The following KYAT3 variants were observed in gnomAD, a reference collection of about 807,000 sequenced individuals.
The protein encoded by KYAT3 is kynurenine aminotransferase 3, also known as kynurenine--oxoglutarate transaminase 3.
A neutral mutation model predicts 59.0 loss-of-function variants in KYAT3; 50 were observed. That is an observed-to-expected ratio of 0.85 (90% CI 0.68 to 1.07). KYAT3 has a LOEUF of 1.07. Among genes scored for constraint, KYAT3 ranks in the 50% least tolerant of loss-of-function variants. The probability of loss-of-function intolerance (pLI) is 0.00; values close to 1 mark genes in which losing one functional copy is unlikely to be tolerated. For synonymous variants in KYAT3, 148 were observed against 177.0 expected, an observed-to-expected ratio of 0.84 and a Z score of 1.30; for missense variants, 497 against 533.3, an observed-to-expected ratio of 0.93 and a Z score of 0.67.
At chr1:88,992,180 G>C (rs1677844397) in intron 1 of KYAT3, among the ~76,000 whole-genome samples, 1 of 151,648 alleles carries the variant, frequency 6.6e-6, no homozygotes, top group African/African-American at 2.4e-5. Flanking sequence ...GGGTTTCACC[G>C]TGTTAGCCAG....
At chr1:88,935,074 G>C (rs562267898), downstream of KYAT3, among the ~76,000 whole-genome samples, 8 of 145,356 alleles carry the variant, frequency 5.5e-5, no homozygotes, top group African/African-American at 1.8e-4. Flanking sequence ...GCTCACTGTA[G>C]CCTCTATCTC....
chr1:88,979,498 T>C (rs1472981115), intron 2 of KYAT3: 2 of 152,198 alleles, frequency 1.3e-5, no homozygotes, highest in African/African-American at 2.4e-5. Flanking sequence ...AAAGAACTTT[T>C]ACAACTCAAT....
intron 7 of KYAT3, 44 bp from the exon 8 acceptor site, chr1:88,961,331 T>C (rs1300358171): frequency 6.2e-7 from 1 of 1,613,348 alleles, no homozygotes; most frequent in Non-Finnish European, 8.5e-7. Context: ...ATTCAACATG[T>C]GAGAAAATGA....
intron 5 of KYAT3, among the ~76,000 whole-genome samples, chr1:88,963,283 G>A (rs1017920503): frequency 1.3e-5 from 2 of 152,090 alleles, no homozygotes; most frequent in Non-Finnish European, 2.9e-5. Flanking sequence ...TCCCAACAGA[G>A]TGCAGAGAAA....
rs188129108 is a variant in KYAT3, at chr1:88,961,530, A to G, written c.541-24T>C. The stretch of plus-strand genomic sequence containing the variant: ...TTCTAAGCATGAAGAATGAAGATAT[A>G]ATTTAATTCAATTAAGTCATGTTTA... On this transcript the variant is annotated intron_variant, in intron 6 of 13. Coordinates refer to ENST00000260508, the MANE Select transcript of KYAT3 (RefSeq NM_001008661.3). The G allele has an allele frequency of 4.7e-5, 74 of 1,584,836 alleles. No individual in the cohort carries two copies. The African/African-American group carries it at 8.5e-4, about 18-fold the overall frequency.
At chr1:88,985,081 G>A (rs921913105) in intron 2 of KYAT3, among the ~76,000 whole-genome samples, 2 of 152,160 alleles carry the variant, frequency 1.3e-5, no homozygotes, top group African/African-American at 4.8e-5. Flanking sequence ...TGGAAACAAG[G>A]CTTTCTCTAA....
intron 4 of KYAT3, among the ~76,000 whole-genome samples, chr1:88,967,845 T>C (rs1676401118): frequency 6.6e-6 from 1 of 152,178 alleles, no homozygotes; most frequent in East Asian, 1.9e-4. Context: ...AGCTTTTGGT[T>C]TCATTAATTT....
chr1:88,965,062 A>G, intron 4 of KYAT3, 84 bp from the exon 5 acceptor site: 2 of 1,055,062 alleles, frequency 1.9e-6, no homozygotes, highest in Non-Finnish European at 2.7e-6. Context: ...AAATGTAAGA[A>G]TTTTTAAAAT....
At chr1:88,942,654 G>A (rs1273606858) in intron 13 of KYAT3, among the ~76,000 whole-genome samples, 2 of 151,484 alleles carry the variant, frequency 1.3e-5, no homozygotes, top group African/African-American at 2.4e-5. Flanking sequence ...GCTCTTCCTC[G>A]CGGGTTCACG....
chr1:88,959,804 C>T (rs1676072207), intron 8 of KYAT3, among the ~76,000 whole-genome samples: 1 of 151,700 alleles, frequency 6.6e-6, no homozygotes, highest in Non-Finnish European at 1.5e-5. Flanking sequence ...CTTTCTCTTC[C>T]CATCTCTATA....
chr1:88,952,189 A>T (rs959895511), intron 10 of KYAT3, among the ~76,000 whole-genome samples: 1 of 152,248 alleles, frequency 6.6e-6, no homozygotes, highest in African/African-American at 2.4e-5. Context: ...TAATATGGTC[A>T]TATAACATTT....
downstream of KYAT3, among the ~76,000 whole-genome samples, chr1:88,933,241 T>A (rs114871288): frequency 0.011 from 1,630 of 152,288 alleles, 19 homozygotes; most frequent in African/African-American, 0.036. Context: ...TTAATCTCCC[T>A]CCCCTGGCTA....
intron 8 of KYAT3, 77 bp from the exon 9 acceptor site, chr1:88,955,302 G>C (rs1054295603): frequency 6.0e-6 from 5 of 832,692 alleles, no homozygotes; most frequent in Non-Finnish European, 7.8e-6. Context: ...ACATAACAAA[G>C]ATACATAAAT....
intron 13 of KYAT3, 29 bp downstream of exon 13, chr1:88,942,976 A>G (rs1557680643): frequency 1.1e-5 from 16 of 1,400,492 alleles, no homozygotes; most frequent in Non-Finnish European, 1.5e-5. Context: ...GATACTATAT[A>G]TGTGTTTTCA....
chr1:88,974,055 G>A (rs1021010753), intron 2 of KYAT3, among the ~76,000 whole-genome samples: 4 of 152,132 alleles, frequency 2.6e-5, no homozygotes, highest in African/African-American at 9.7e-5. Flanking sequence ...AATAATAACT[G>A]CAAGAAAAGG....
At position 88,964,977 on chromosome 1, in the gene KYAT3, C is replaced by A. The variant is rs753340883; in HGVS notation, c.305G>T (p.Gly102Val). ...CAGAGCTTTCACAAGTGATGGATGG[C>A]CCTGTTGGATTAAAAATAAGAACAA... is the stretch of plus-strand genomic sequence containing the variant. ...DSLNQYTRGFGHPSLVKALSY... is the reference protein window; with the variant it reads ...DSLNQYTRGFVHPSLVKALSY... Residue 102 changes from glycine to valine, a missense_variant and splice_region_variant, in exon 5 of 14, where the codon GGC becomes GTC. Gly to Val is a moderately radical substitution (Grantham distance 109). Around this residue, in one of 2 missense-constraint regions of KYAT3, gnomAD observed 469 missense variants for 479.1 expected, o/e 0.98. Transcript: ENST00000260508. 1 of 1,593,342 alleles carries A rather than the reference C, an allele frequency of 6.3e-7. No individual in the cohort carries two copies. The highest frequency in any genetic ancestry group is 1.9e-5 in the Admixed American group (1 of 53,086).
intron 2 of KYAT3, among the ~76,000 whole-genome samples, chr1:88,984,811 C>CT (rs1207200597): frequency 1.3e-5 from 2 of 152,192 alleles, no homozygotes; most frequent in Non-Finnish European, 2.9e-5. Flanking sequence ...AATTCTGGTT[C>CT]TAGCATTTTG....
chr1:88,984,278 A>C (rs1413093063), intron 2 of KYAT3, among the ~76,000 whole-genome samples: 1 of 130,878 alleles, frequency 7.6e-6, no homozygotes, highest in Admixed American at 9.4e-5. Flanking sequence ...GCAGCGGCGC[A>C]ATCTTGGCTC....
intron 3 of KYAT3, 37 bp downstream of exon 3, chr1:88,969,372 A>T: frequency 8.1e-7 from 1 of 1,238,058 alleles, no homozygotes; most frequent in Admixed American, 1.8e-5. Flanking sequence ...TATGTAGGAA[A>T]CCCTCACTAA....
Sources: allele counts gnomAD v4.1 joint callset (sites outside exome capture counted in the v4.1 genomes callset), GRCh38; gene constraint gnomAD v4.1.1; regional missense constraint gnomAD v4.1.1; transcripts MANE v1.5; gene names NCBI Gene and HGNC (gene_info 2026-07-23, HGNC 2026-07-21).